The following PLCB4 variants were observed in gnomAD, a reference collection of about 807,000 sequenced individuals.
PLCB4 encodes phospholipase C beta 4, also known as 1-phosphatidylinositol 4,5-bisphosphate phosphodiesterase beta-4.
In PLCB4, 77 loss-of-function variants were observed where a neutral mutation model predicts 178.8. That is an observed-to-expected ratio of 0.43 (90% CI 0.36 to 0.52). The LOEUF (loss-of-function observed/expected upper bound fraction) is 0.52, where lower values mean the gene tolerates loss of function less well. PLCB4 is among the 20% of genes least tolerant of loss of function. The probability of loss-of-function intolerance (pLI) is 0.00; values close to 1 mark genes in which losing one functional copy is unlikely to be tolerated. For synonymous variants in PLCB4, 496 were observed against 490.8 expected (o/e 1.01, Z -0.14); for missense variants, 1,024 against 1,453.4 (o/e 0.70, Z 4.80).
chr20:9,214,982 C>T (rs552573382), intron 2 of PLCB4, among the ~76,000 whole-genome samples: 4 of 152,214 alleles, frequency 2.6e-5, no homozygotes, highest in East Asian at 3.9e-4. Flanking sequence ...TCTTTGATTA[C>T]GAAATGACTT....
intron 2 of PLCB4, among the ~76,000 whole-genome samples, chr20:9,192,143 G>T (rs183054404): frequency 1.3e-5 from 2 of 152,164 alleles, no homozygotes; most frequent in Admixed American, 1.3e-4. Flanking sequence ...CAGTCTTGGA[G>T]TTCCTAGCAG....
At chr20:9,262,415 T>C (rs1307355052) in intron 3 of PLCB4, among the ~76,000 whole-genome samples, 2 of 152,010 alleles carry the variant, frequency 1.3e-5, no homozygotes, top group East Asian at 3.9e-4. Flanking sequence ...CAGCCACTTG[T>C]CTCCCATGGG....
At chr20:9,474,341 T>TAC (rs909257259) in intron 38 of PLCB4, among the ~76,000 whole-genome samples, 7 of 152,234 alleles carry the variant, frequency 4.6e-5, no homozygotes, top group African/African-American at 1.7e-4. Flanking sequence ...CCAAATGGGC[T>TAC]ACAGCCCATC....
intron 3 of PLCB4, among the ~76,000 whole-genome samples, chr20:9,261,052 A>G (rs1055241199): frequency 8.5e-5 from 13 of 152,082 alleles, no homozygotes; most frequent in Non-Finnish European, 1.8e-4. Context: ...TCTTTATCCC[A>G]TCCTTTCAGT....
intron 2 of PLCB4, among the ~76,000 whole-genome samples, chr20:9,155,660 C>T (rs1434749373): frequency 6.6e-6 from 1 of 152,154 alleles, no homozygotes; most frequent in Admixed American, 6.5e-5. Context: ...TTACCTGCCT[C>T]AGTGTGTTGG....
intron 3 of PLCB4, among the ~76,000 whole-genome samples, chr20:9,224,373 G>A (rs1350718725): frequency 6.6e-6 from 1 of 152,118 alleles, no homozygotes; most frequent in Non-Finnish European, 1.5e-5. Flanking sequence ...CTTCTGCTTA[G>A]GCACTAAATG....
At chr20:9,447,966 G>A (rs932770838) in intron 32 of PLCB4, among the ~76,000 whole-genome samples, 5 of 152,220 alleles carry the variant, frequency 3.3e-5, no homozygotes, top group Admixed American at 1.3e-4. Context: ...ATTGGGCCAA[G>A]AGCTGGAGGC....
intron 3 of PLCB4, among the ~76,000 whole-genome samples, chr20:9,226,265 GT>G (rs1601294068): frequency 6.6e-6 from 1 of 152,100 alleles, no homozygotes; most frequent in Admixed American, 6.6e-5. Flanking sequence ...CAACAGTTGT[GT>G]TTTTTTATAC....
In PLCB4 at chr20:9,377,715, C is replaced by T. The variant is rs547747555; in HGVS notation, c.745-2339C>T. 5.3e-5 allele frequency among the ~76,000 whole-genome samples: 8 copies of T among 152,268 alleles called. No homozygotes were observed. The South Asian group carries it at 1.7e-3, about 32-fold the overall frequency. On this transcript the variant is annotated intron_variant, in intron 12 of 39. Coordinates refer to ENST00000378473, the MANE Select transcript of PLCB4 (RefSeq NM_001377142.1). ...TTTCCTGGCTTTGTTTTGCCATAGG[C>T]AGGATGGTCTAATGAATGTCATACC...
chr20:9,473,404 A>G (rs1432868859), intron 38 of PLCB4, 39 bp downstream of exon 38: 1 of 1,231,454 alleles, frequency 8.1e-7, no homozygotes, highest in East Asian at 2.4e-5. Context: ...GCAGGCAGCT[A>G]GCCAGCTTTG....
intron 35 of PLCB4, among the ~76,000 whole-genome samples, chr20:9,466,812 C>A (rs191303703): frequency 6.6e-6 from 1 of 152,152 alleles, no homozygotes; most frequent in African/African-American, 2.4e-5. Flanking sequence ...GAAATAGGAA[C>A]GCTTTTACAC....
chr20:9,459,872 G>A, intron 35 of PLCB4, 62 bp downstream of exon 35: 1 of 1,119,366 alleles, frequency 8.9e-7, no homozygotes, highest in East Asian at 2.4e-5. Flanking sequence ...CTGATTTTGT[G>A]TGTATAAGAG....
At chr20:9,218,263 C>G (rs1439806795) in intron 3 of PLCB4, among the ~76,000 whole-genome samples, 1 of 152,132 alleles carries the variant, frequency 6.6e-6, no homozygotes, top group African/African-American at 2.4e-5. Flanking sequence ...CATGCCACCA[C>G]GCCTGGCTAA....
chr20:9,266,322 A>T (rs939915610), intron 3 of PLCB4, among the ~76,000 whole-genome samples: 10 of 152,204 alleles, frequency 6.6e-5, no homozygotes, highest in African/African-American at 2.2e-4. Context: ...CTCGCTTGGT[A>T]ATTCATTTGC....
intron 2 of PLCB4, among the ~76,000 whole-genome samples, chr20:9,120,213 G>A (rs1293381708): frequency 1.3e-5 from 2 of 152,188 alleles, no homozygotes; most frequent in Non-Finnish European, 2.9e-5. Flanking sequence ...ACTGTGTGCA[G>A]CCTCATTATT....
intron 25 of PLCB4, among the ~76,000 whole-genome samples, chr20:9,414,278 A>C (rs551374687): frequency 6.6e-6 from 1 of 152,112 alleles, no homozygotes; most frequent in Non-Finnish European, 1.5e-5. Flanking sequence ...CCCTTCCCAT[A>C]CACCCAGCTG....
chr20:9,184,465 G>C (rs1292626175), intron 2 of PLCB4, among the ~76,000 whole-genome samples: 1 of 152,066 alleles, frequency 6.6e-6, no homozygotes, highest in Non-Finnish European at 1.5e-5. Context: ...TATTTGAGAA[G>C]CCATCCATGG....
At chr20:9,337,285 C>A (rs1161041251) in intron 5 of PLCB4, 79 bp downstream of exon 5, 1 of 943,402 alleles carries the variant, frequency 1.1e-6, no homozygotes, top group Non-Finnish European at 1.8e-6. Context: ...AGACTGAGTG[C>A]TGTTGATGAA....
intron 3 of PLCB4, among the ~76,000 whole-genome samples, chr20:9,279,531 C>A (rs2094476513): frequency 6.6e-6 from 1 of 151,782 alleles, no homozygotes; most frequent in South Asian, 2.1e-4. Flanking sequence ...CCAGAGAGAA[C>A]AATAGGGAAA....
Sources: allele counts gnomAD v4.1 joint callset (sites outside exome capture counted in the v4.1 genomes callset), GRCh38; gene constraint gnomAD v4.1.1; transcripts MANE v1.5; gene names NCBI Gene and HGNC (gene_info 2026-07-23, HGNC 2026-07-21).